PXDNL: variants seen among roughly 807,000 people sequenced by gnomAD.
PXDNL encodes probable oxidoreductase PXDNL.
In PXDNL, 145 loss-of-function variants were observed where a neutral mutation model predicts 150.8. That is an observed-to-expected ratio of 0.96 (90% CI 0.84 to 1.10). The LOEUF (loss-of-function observed/expected upper bound fraction) is 1.10, where lower values mean the gene tolerates loss of function less well. PXDNL is among the 50% of genes least tolerant of loss of function. The pLI, the probability that PXDNL is intolerant of heterozygous loss-of-function variation, is 0.00. For synonymous variants in PXDNL, 757 were observed against 725.7 expected, an observed-to-expected ratio of 1.04 and a Z score of -0.69; for missense variants, 2,087 against 1,873.9, an observed-to-expected ratio of 1.11 and a Z score of -2.10.
chr8:51,534,014 G>T (rs1269604072), intron 4 of PXDNL, among the ~76,000 whole-genome samples: 1 of 141,790 alleles, frequency 7.1e-6, no homozygotes, highest in Non-Finnish European at 1.5e-5. Flanking sequence ...GTCTCTGCCC[G>T]GCCGCCATCC....
At chr8:51,619,998 T>C (rs1400086244) in intron 2 of PXDNL, among the ~76,000 whole-genome samples, 1 of 152,170 alleles carries the variant, frequency 6.6e-6, no homozygotes, top group Non-Finnish European at 1.5e-5. Flanking sequence ...ATAAATCCGT[T>C]CTACTTTTCT....
intron 8 of PXDNL, among the ~76,000 whole-genome samples, chr8:51,465,395 C>G (rs6473603): frequency 0.24 from 36,257 of 151,564 alleles, 6,541 homozygotes; most frequent in African/African-American, 0.51. Flanking sequence ...GGCGTCAAAG[C>G]AACATACCTC....
At chr8:51,693,699 G>C (rs1816051803) in intron 1 of PXDNL, among the ~76,000 whole-genome samples, 1 of 152,180 alleles carries the variant, frequency 6.6e-6, no homozygotes, top group African/African-American at 2.4e-5. Context: ...GAGCAAGGGA[G>C]GCAGAAGTTG....
intron 17 of PXDNL, among the ~76,000 whole-genome samples, chr8:51,377,916 A>G (rs1427296361): frequency 1.3e-5 from 2 of 152,258 alleles, no homozygotes; most frequent in African/African-American, 4.8e-5. Flanking sequence ...GGAGCAGAGC[A>G]GGGGACTGGC....
chr8:51,645,093 G>A (rs1038798164), intron 2 of PXDNL, among the ~76,000 whole-genome samples: 10 of 152,152 alleles, frequency 6.6e-5, no homozygotes, highest in African/African-American at 2.2e-4. Context: ...AGGCCTGAGA[G>A]CTGGCCGGCT....
chr8:51,687,681 T>C (rs1373657113), intron 1 of PXDNL, among the ~76,000 whole-genome samples: 2 of 152,220 alleles, frequency 1.3e-5, no homozygotes, highest in African/African-American at 2.4e-5. Flanking sequence ...CTTGTGTTCA[T>C]GGAACTCATC....
At chr8:51,484,199 G>C (rs1810672473) in intron 5 of PXDNL, among the ~76,000 whole-genome samples, 1 of 152,074 alleles carries the variant, frequency 6.6e-6, no homozygotes, top group South Asian at 2.1e-4. Context: ...CACTTTGGGA[G>C]GCCAAGCTGG....
At chr8:51,490,528 T>C (rs1201956155) in intron 5 of PXDNL, among the ~76,000 whole-genome samples, 1 of 151,526 alleles carries the variant, frequency 6.6e-6, no homozygotes, top group East Asian at 1.9e-4. Flanking sequence ...CTATCAAAAT[T>C]AATGCCACAA....
chr8:51,634,341 G>A (rs937031905), intron 2 of PXDNL, among the ~76,000 whole-genome samples: 1 of 151,990 alleles, frequency 6.6e-6, no homozygotes, highest in Non-Finnish European at 1.5e-5. Flanking sequence ...TGGTTTATAT[G>A]TCTGTTTTTG....
At chr8:51,394,791 G>C (rs370609554) in intron 17 of PXDNL, among the ~76,000 whole-genome samples, 1 of 152,144 alleles carries the variant, frequency 6.6e-6, no homozygotes, top group East Asian at 1.9e-4. Context: ...AAAATGCCCT[G>C]GGGTACATAG....
intron 5 of PXDNL, among the ~76,000 whole-genome samples, chr8:51,496,471 G>A (rs1811054377): frequency 1.3e-5 from 2 of 152,238 alleles, no homozygotes; most frequent in South Asian, 4.1e-4. Flanking sequence ...ATTCAATCAG[G>A]AAAAGAGGAA....
intron 1 of PXDNL, among the ~76,000 whole-genome samples, chr8:51,772,237 TACAC>T (rs139112734): frequency 6.9e-5 from 9 of 130,422 alleles, no homozygotes; most frequent in Middle Eastern, 3.9e-3. Context: ...TCTCTCTATA[TACAC>T]ACACACACAC....
At chr8:51,603,013 A>AT (rs1202275002) in intron 2 of PXDNL, among the ~76,000 whole-genome samples, 1 of 151,528 alleles carries the variant, frequency 6.6e-6, no homozygotes, top group Non-Finnish European at 1.5e-5. Context: ...TTGAATTAAT[A>AT]TTTTTTCCAA....
intron 1 of PXDNL, among the ~76,000 whole-genome samples, chr8:51,689,535 G>T (rs1458560494): frequency 1.3e-5 from 2 of 151,942 alleles, no homozygotes; most frequent in East Asian, 3.9e-4. Context: ...TATGGGTGAT[G>T]CCCCAAGTAA....
At chr8:51,326,810 T>A (rs1195573761) in intron 21 of PXDNL, among the ~76,000 whole-genome samples, 1 of 152,068 alleles carries the variant, frequency 6.6e-6, no homozygotes, top group Non-Finnish European at 1.5e-5. Context: ...CTCCCCAAAT[T>A]CAAATCTTGA....
chr8:51,534,883 G>A (rs1200148200), intron 4 of PXDNL, among the ~76,000 whole-genome samples: 1 of 113,930 alleles, frequency 8.8e-6, no homozygotes, highest in Non-Finnish European at 1.7e-5. Context: ...GCCCCGTCCG[G>A]GAGGTGAGGG....
intron 1 of PXDNL, among the ~76,000 whole-genome samples, chr8:51,799,029 C>A (rs2037591365): frequency 6.6e-6 from 1 of 152,308 alleles, no homozygotes; most frequent in African/African-American, 2.4e-5. Context: ...AAATGTAGTA[C>A]ATATACACCA....
At chr8:51,516,215 A>G (rs540631599) in intron 4 of PXDNL, among the ~76,000 whole-genome samples, 1 of 152,338 alleles carries the variant, frequency 6.6e-6, no homozygotes, top group Non-Finnish European at 1.5e-5. Context: ...ATTTAAATCA[A>G]AGAAACATGT....
intron 12 of PXDNL, among the ~76,000 whole-genome samples, chr8:51,428,678 C>A (rs1182214613): frequency 2.0e-5 from 3 of 152,116 alleles, no homozygotes; most frequent in Non-Finnish European, 2.9e-5. Flanking sequence ...AAACCTTTAC[C>A]TAAGTCTCAT....
Sources: allele counts gnomAD v4.1 joint callset (sites outside exome capture counted in the v4.1 genomes callset), GRCh38; gene constraint gnomAD v4.1.1; transcripts MANE v1.5; gene names NCBI Gene and HGNC (gene_info 2026-07-23, HGNC 2026-07-21).